Variants in EIF4A3 observed in about 807,000 individuals in gnomAD.
EIF4A3 encodes eukaryotic initiation factor 4A-III.
A neutral mutation model predicts 55.6 loss-of-function variants in EIF4A3; 1 was observed. That is an observed-to-expected ratio of 0.02 (90% CI 0.01 to 0.09). EIF4A3 has a LOEUF of 0.09. Ranked by LOEUF, EIF4A3 falls within the 10% of genes least tolerant of loss-of-function variation. The pLI, the probability that EIF4A3 is intolerant of heterozygous loss-of-function variation, is 1.00. For missense variants in EIF4A3, 221 were observed against 540.7 expected (o/e 0.41, Z 5.86); for synonymous variants, 194 against 196.3 (o/e 0.99, Z 0.10).
chr17:80,146,770 C>A, intron 1 of EIF4A3, 23 bp downstream of exon 1: 1 of 1,599,920 alleles, frequency 6.3e-7, no homozygotes, highest in South Asian at 1.1e-5. Flanking sequence ...CCCGGCTGGC[C>A]CCCGCGGCCC....
intron 1 of EIF4A3, among the ~76,000 whole-genome samples, chr17:80,144,693 C>T (rs1412037594): frequency 6.6e-6 from 1 of 151,814 alleles, no homozygotes; most frequent in Non-Finnish European, 1.5e-5. Flanking sequence ...AACAAAAAAA[C>T]AGGAAAGTCA....
At chr17:80,139,317 G>C (rs183195514) in intron 6 of EIF4A3, 155 bp from the exon 7 acceptor site, 4 of 988,442 alleles carry the variant, frequency 4.0e-6, no homozygotes, top group Non-Finnish European at 4.4e-6. Flanking sequence ...CCACATCCAC[G>C]CGTTCTCTCC....
chr17:80,138,409 G>A, intron 7 of EIF4A3, 129 bp from the exon 8 acceptor site: 1 of 1,112,924 alleles, frequency 9.0e-7, no homozygotes, highest in Non-Finnish European at 1.3e-6. Context: ...AGACCCAGCA[G>A]CCCCAGCCCT....
chr17:80,142,442 T>TTG (rs1195813649), intron 2 of EIF4A3, among the ~76,000 whole-genome samples: 2 of 152,200 alleles, frequency 1.3e-5, no homozygotes, highest in Admixed American at 1.3e-4. Flanking sequence ...GCCTTTCAGA[T>TTG]TGTGAGTCAT....
chr17:80,143,188 T>C (rs1345453858), intron 2 of EIF4A3, among the ~76,000 whole-genome samples: 3 of 152,170 alleles, frequency 2.0e-5, no homozygotes. Flanking sequence ...TCTAGATGGC[T>C]GAACACAGAC....
rs745936903 is a variant in EIF4A3 at position 80,136,349 on chromosome 17, G to A, written c.984-14C>T. 1 of 1,602,636 alleles carries A rather than the reference G, an allele frequency of 6.2e-7. No individual in the cohort carries two copies. Among genetic ancestry groups the A allele is most frequent in the Non-Finnish European group, 8.5e-7 (1 of 1,170,918 alleles). On this transcript the variant is annotated splice_polypyrimidine_tract_variant and intron_variant, in intron 9 of 11. Transcript: ENST00000649764. Reference sequence around the variant, plus strand: ...ATAAGCACTCGGCTGCAAAAAGAAAGAGTGTTTGAGGCGATTAAATTACTC... The same window carrying A: ...ATAAGCACTCGGCTGCAAAAAGAAAAAGTGTTTGAGGCGATTAAATTACTC...
intron 2 of EIF4A3, among the ~76,000 whole-genome samples, chr17:80,143,549 C>T (rs1382481959): frequency 2.0e-5 from 3 of 152,200 alleles, no homozygotes; most frequent in African/African-American, 7.2e-5. Context: ...CACACCTCTG[C>T]TCACAGAAGT....
intron 4 of EIF4A3, among the ~76,000 whole-genome samples, chr17:80,140,943 C>T (rs1352800713): frequency 6.6e-6 from 1 of 152,042 alleles, no homozygotes; most frequent in Admixed American, 6.6e-5. Flanking sequence ...TTACAGGCGC[C>T]TGCCACCACG....
At chr17:80,138,814 G>T in intron 7 of EIF4A3, 1 of 637,156 alleles carries the variant, frequency 1.6e-6, no homozygotes, top group Non-Finnish European at 2.6e-6. Flanking sequence ...CAGCCTATTT[G>T]GTTTTTTAAA....
In EIF4A3 at chr17:80,136,220, C is replaced by G. The variant is rs775465602; in HGVS notation, c.1091+8G>C. On this transcript the variant is annotated splice_region_variant and intron_variant, in intron 10 of 11. Coordinates refer to ENST00000649764, the MANE Select transcript of EIF4A3 (RefSeq NM_014740.4). ...CAGAAGTGAAGCCAATGAGAGCTTG[C>G]ACCTTACCTGTGTATGTACAATTCT... 1 of 1,613,216 alleles carries G rather than the reference C, an allele frequency of 6.2e-7. No individual in the cohort carries two copies. Among genetic ancestry groups the G allele is most frequent in the Non-Finnish European group, 8.5e-7 (1 of 1,179,268 alleles).
rs1030648815 is a variant in EIF4A3, at chr17:80,139,600, A to G, written c.586+70T>C. The G allele has an allele frequency of 5.0e-6, 7 of 1,409,918 alleles. No homozygotes were observed. In the African/African-American group the frequency reaches 8.5e-5, roughly 17 times the overall value. The allele number at this position is 1,409,918 out of a possible 1,614,324, so 87.3% of individuals were successfully genotyped here. On this transcript the variant is annotated intron_variant, in intron 6 of 11. Transcript: ENST00000649764. ...TTCAGAACAGTCACTGGCTGTTTCA[A>G]TTTTACACTGTGAAAATTTAAGAAC...
Position 80,146,774 on chromosome 17 carries a change from G to A in EIF4A3, c.169+19C>T. On this transcript the variant is annotated intron_variant, in intron 1 of 11. Coordinates refer to ENST00000649764, the MANE Select transcript of EIF4A3 (RefSeq NM_014740.4). The stretch of plus-strand genomic sequence containing the variant: ...CCCGACTCGCCCCCGGCTGGCCCCC[G>A]CGGCCCGCGCCCGCTCACCGTAAGC... 1 of 1,599,214 alleles carries A rather than the reference G, an allele frequency of 6.3e-7. No individual in the cohort carries two copies. The highest frequency in any genetic ancestry group is 8.5e-7 in the Non-Finnish European group (1 of 1,176,992).
chr17:80,137,736 G>A (rs2039584805), intron 8 of EIF4A3: 1 of 498,980 alleles, frequency 2.0e-6, no homozygotes. Context: ...GGGGGGAGGG[G>A]GCCAGGTGTG....
Position 80,135,368 on chromosome 17 carries a change from G to C in EIF4A3, c.*122C>G. On this transcript the variant is annotated 3_prime_UTR_variant, in exon 12 of 12. Transcript: ENST00000649764. ...ATATCCTCTTCAAAGGAAGGGAGAC[G>C]GCAGGCCATTTATGAGAAGAAAGTC... The C allele has an allele frequency of 3.5e-6, 4 of 1,134,234 alleles. No homozygotes were observed. Among genetic ancestry groups the C allele is most frequent in the East Asian group, 2.7e-5 (1 of 36,522 alleles). 70.3% of individuals were successfully genotyped at this position (1,134,234 alleles called of 1,614,324 possible). A position where few individuals can be genotyped will look rare whatever the true frequency, so the allele number is the denominator to read the frequency against.
chr17:80,139,250 G>A, intron 6 of EIF4A3, 88 bp from the exon 7 acceptor site: 5 of 1,537,308 alleles, frequency 3.3e-6, no homozygotes, highest in Non-Finnish European at 4.4e-6. Flanking sequence ...CACTGGGTTA[G>A]AGGCAGAGTG....
At chr17:80,137,127 G>A (rs1463927102) in intron 9 of EIF4A3, 1 of 343,902 alleles carries the variant, frequency 2.9e-6, no homozygotes, top group Non-Finnish European at 5.2e-6. Flanking sequence ...CCTACTTACT[G>A]GAAAAGAAGA....
chr17:80,143,234 C>T (rs1184729014), intron 2 of EIF4A3, among the ~76,000 whole-genome samples: 5 of 152,060 alleles, frequency 3.3e-5, no homozygotes, highest in East Asian at 1.9e-4. Flanking sequence ...GGTGACCACC[C>T]GCCCCTTGGA....
At chr17:80,146,746 GC>G in intron 1 of EIF4A3, 46 bp downstream of exon 1, 1 of 1,573,718 alleles carries the variant, frequency 6.4e-7, no homozygotes. Flanking sequence ...CCCCCGGCTC[GC>G]CCCCGACTCG....
intron 11 of EIF4A3, 29 bp from the exon 12 acceptor site, chr17:80,135,535 GA>G: frequency 6.5e-7 from 1 of 1,535,698 alleles, no homozygotes; most frequent in Non-Finnish European, 8.8e-7. Context: ...ACAGATTAAG[GA>G]ACAACACAAA....
Sources: gnomAD v4.1 joint callset for allele counts (sites outside exome capture counted in the v4.1 genomes callset) on GRCh38, gnomAD v4.1.1 for gene constraint, MANE v1.5 for transcripts, NCBI Gene and HGNC (gene_info 2026-07-23, HGNC 2026-07-21) for gene names.